The following PTPRD variants were observed in gnomAD, a reference collection of about 807,000 sequenced individuals.
The protein encoded by PTPRD is receptor-type tyrosine-protein phosphatase delta.
A neutral mutation model predicts 214.5 loss-of-function variants in PTPRD; 34 were observed. The ratio of observed to expected loss-of-function variants is 0.16; its 90% CI spans 0.12 to 0.21. The LOEUF is 0.21. PTPRD is among the 10% of genes least tolerant of loss of function. The probability of loss-of-function intolerance (pLI) is 1.00; values close to 1 mark genes in which losing one functional copy is unlikely to be tolerated. For missense variants in PTPRD, 2,545 were observed against 2,398.7 expected, an observed-to-expected ratio of 1.06 and a Z score of -1.27; for synonymous variants, 1,128 against 845.7, an observed-to-expected ratio of 1.33 and a Z score of -5.79.
chr9:9,751,675 G>GA (rs1359813778), intron 6 of PTPRD, among the ~76,000 whole-genome samples: 2 of 152,066 alleles, frequency 1.3e-5, no homozygotes, highest in Non-Finnish European at 2.9e-5. Flanking sequence ...ATGTGAAGAT[G>GA]AAGACAGAGA....
chr9:8,761,274 G>C (rs1271638478), intron 11 of PTPRD, among the ~76,000 whole-genome samples: 2 of 152,152 alleles, frequency 1.3e-5, no homozygotes, highest in Admixed American at 6.5e-5. Context: ...TAACATGGTA[G>C]CTATAAAAAG....
At chr9:8,444,687 C>CT (rs1453040876) in intron 34 of PTPRD, among the ~76,000 whole-genome samples, 1 of 152,114 alleles carries the variant, frequency 6.6e-6, no homozygotes, top group African/African-American at 2.4e-5. Flanking sequence ...TGGTCACAAT[C>CT]TATATGCAAT....
At chr9:10,353,063 A>T (rs1184897693) in intron 2 of PTPRD, among the ~76,000 whole-genome samples, 1 of 152,012 alleles carries the variant, frequency 6.6e-6, no homozygotes, top group Non-Finnish European at 1.5e-5. Flanking sequence ...GTCCCTTAAA[A>T]TTACCAGAAA....
chr9:9,508,973 T>G (rs1385602504), intron 8 of PTPRD, among the ~76,000 whole-genome samples: 3 of 151,616 alleles, frequency 2.0e-5, no homozygotes, highest in African/African-American at 7.3e-5. Flanking sequence ...AATATGGTTG[T>G]GAAACCGTTC....
At chr9:9,456,445 T>A (rs892437622) in intron 8 of PTPRD, among the ~76,000 whole-genome samples, 2 of 151,902 alleles carry the variant, frequency 1.3e-5, no homozygotes, top group Non-Finnish European at 2.9e-5. Flanking sequence ...AGAGAAAGAA[T>A]GTCAGTCTTA....
chr9:9,403,421 T>TTCTCTCTCTC lies in PTPRD; in HGVS notation c.-236-5949_-236-5940dup, dbSNP rs150192743. Among the ~76,000 whole-genome samples, 489 of 149,738 alleles carry TTCTCTCTCTC rather than the reference T, an allele frequency of 3.3e-3. 3 individuals carry two copies. The highest frequency in any genetic ancestry group is 6.9e-3 in the East Asian group (35 of 5,088). On this transcript the variant is annotated intron_variant, in intron 8 of 45. Coordinates refer to ENST00000381196, the MANE Select transcript of PTPRD (RefSeq NM_002839.4). Reference sequence around the variant, plus strand: ...ATATTGTTATATTTTCTCTCTCTCTTTCTCTCTCTCTCTCCAGGAAGCAAA... The same window carrying TTCTCTCTCTC: ...ATATTGTTATATTTTCTCTCTCTCTTTCTCTCTCTCTCTCTCTCTCTCTCCAGGAAGCAAA...
intron 11 of PTPRD, among the ~76,000 whole-genome samples, chr9:8,988,676 A>AT (rs34434355): frequency 0.055 from 8,437 of 152,046 alleles, 538 homozygotes; most frequent in East Asian, 0.27. Flanking sequence ...TAACATTACG[A>AT]TTTTTTTAGG....
chr9:10,191,647 A>C (rs572982216), intron 3 of PTPRD, among the ~76,000 whole-genome samples: 73 of 152,280 alleles, frequency 4.8e-4, no homozygotes, highest in Non-Finnish European at 8.7e-4. Flanking sequence ...CCAAATGTCC[A>C]TCAAAATATA....
chr9:10,420,567 A>G (rs2098536809), intron 2 of PTPRD, among the ~76,000 whole-genome samples: 2 of 151,806 alleles, frequency 1.3e-5, no homozygotes, highest in South Asian at 2.1e-4. Flanking sequence ...GGGGGGCTGA[A>G]GCAGATTAAA....
intron 2 of PTPRD, among the ~76,000 whole-genome samples, chr9:10,452,946 T>G (rs536459463): frequency 2.6e-5 from 4 of 151,142 alleles, no homozygotes; most frequent in Non-Finnish European, 5.9e-5. Context: ...TTGGGAGTTT[T>G]ATGGTTTCAG....
chr9:9,598,794 A>G (rs182546171), intron 7 of PTPRD, among the ~76,000 whole-genome samples: 10 of 152,124 alleles, frequency 6.6e-5, no homozygotes, highest in Admixed American at 5.3e-4. Flanking sequence ...GTGGCTTATA[A>G]GAAAGTGATT....
chr9:9,465,189 C>T (rs1048088593), intron 8 of PTPRD, among the ~76,000 whole-genome samples: 6 of 152,066 alleles, frequency 3.9e-5, no homozygotes, highest in African/African-American at 1.2e-4. Flanking sequence ...TAGAAATGTA[C>T]CAGGTAATCA....
intron 8 of PTPRD, among the ~76,000 whole-genome samples, chr9:9,564,562 G>A (rs2083841750): frequency 6.6e-6 from 1 of 152,010 alleles, no homozygotes; most frequent in Non-Finnish European, 1.5e-5. Context: ...ACACCAAATT[G>A]TGAGAACCTT....
chr9:9,188,978 A>G (rs576254246), intron 9 of PTPRD, among the ~76,000 whole-genome samples: 1 of 152,222 alleles, frequency 6.6e-6, no homozygotes, highest in African/African-American at 2.4e-5. Context: ...AAGGACCACA[A>G]GAGTAGAAGC....
intron 7 of PTPRD, among the ~76,000 whole-genome samples, chr9:9,717,229 T>C (rs1045015081): frequency 6.6e-6 from 1 of 152,214 alleles, no homozygotes; most frequent in Non-Finnish European, 1.5e-5. Flanking sequence ...TTGGTACCAG[T>C]ACCATGCTGT....
intron 11 of PTPRD, among the ~76,000 whole-genome samples, chr9:8,781,701 A>C (rs1485988585): frequency 3.3e-5 from 5 of 152,180 alleles, no homozygotes; most frequent in African/African-American, 9.7e-5. Context: ...TCTGAATCTT[A>C]ATCAGACTGT....
intron 3 of PTPRD, among the ~76,000 whole-genome samples, chr9:10,329,093 T>C (rs2096702176): frequency 6.6e-6 from 1 of 151,806 alleles, no homozygotes. Flanking sequence ...TTGGAAATTA[T>C]AGTTGTTTTT....
At chr9:9,253,532 C>A (rs1215385017) in intron 9 of PTPRD, among the ~76,000 whole-genome samples, 1 of 151,796 alleles carries the variant, frequency 6.6e-6, no homozygotes, top group Non-Finnish European at 1.5e-5. Flanking sequence ...CACATATCTC[C>A]CTGTTTAATA....
At chr9:8,425,176 G>C (rs1273344544) in intron 35 of PTPRD, among the ~76,000 whole-genome samples, 1 of 152,130 alleles carries the variant, frequency 6.6e-6, no homozygotes, top group African/African-American at 2.4e-5. Flanking sequence ...CTATGATGCT[G>C]GGTTACATCA....
Sources: gnomAD v4.1 joint callset for allele counts (sites outside exome capture counted in the v4.1 genomes callset) on GRCh38, gnomAD v4.1.1 for gene constraint, MANE v1.5 for transcripts, NCBI Gene and HGNC (gene_info 2026-07-23, HGNC 2026-07-21) for gene names.